Variants in SMC2 observed in about 807,000 individuals in gnomAD.
The protein encoded by SMC2 is structural maintenance of chromosomes protein 2.
Under a neutral mutation model 142.6 loss-of-function variants are expected in SMC2, and 41 were observed. The observed-to-expected ratio is 0.29, with a 90% CI of 0.22 to 0.37. The LOEUF is 0.37. SMC2 is among the 10% of genes least tolerant of loss of function. The probability of loss-of-function intolerance (pLI) is 1.00; values close to 1 mark genes in which losing one functional copy is unlikely to be tolerated. For missense variants in SMC2, 1,265 were observed against 1,373.7 expected (o/e 0.92, Z 1.25); for synonymous variants, 463 against 457.5 (o/e 1.01, Z -0.15).
intron 14 of SMC2, among the ~76,000 whole-genome samples, chr9:104,117,034 T>C (rs1025802504): frequency 6.6e-6 from 1 of 152,154 alleles, no homozygotes; most frequent in African/African-American, 2.4e-5. Flanking sequence ...TAAGTGGATG[T>C]TGTTGTATCC....
At chr9:104,102,346 G>A (rs1831245812) in intron 8 of SMC2, 78 bp from the exon 9 acceptor site, 1 of 1,347,062 alleles carries the variant, frequency 7.4e-7, no homozygotes, top group Admixed American at 2.3e-5. Context: ...AAAAGTGTTT[G>A]ATACAGAACT....
chr9:104,125,172 A>G (rs1037426228), intron 18 of SMC2, 67 bp downstream of exon 18: 1 of 1,151,786 alleles, frequency 8.7e-7, no homozygotes, highest in Non-Finnish European at 1.2e-6. Flanking sequence ...GTGGTAGAGC[A>G]TCATTGGTTG....
intron 9 of SMC2, 99 bp from the exon 10 acceptor site, chr9:104,111,482 C>T: frequency 1.5e-6 from 1 of 668,626 alleles, no homozygotes; most frequent in Non-Finnish European, 2.6e-6. Context: ...ATGCTCACTC[C>T]AAATTGCTAT....
rs1379012264 is a variant in SMC2, at chr9:104,140,551, G to A, written c.*1236G>A. 6.6e-6 allele frequency: 1 copy of A among 152,456 alleles called. No homozygotes were observed. The highest frequency in any genetic ancestry group is 1.9e-4 in the East Asian group (1 of 5,202). The allele number at this position is 152,456 out of a possible 1,614,324, so 9.4% of individuals were successfully genotyped here. A position where few individuals can be genotyped will look rare whatever the true frequency, so the allele number is the denominator to read the frequency against. ...GGCCGTACTTCCTGGCCCTGGGCTTGACATTTCCCACCCTTCATTCTCCAT... is the reference window on the plus strand; with the variant it reads ...GGCCGTACTTCCTGGCCCTGGGCTTAACATTTCCCACCCTTCATTCTCCAT... On this transcript the variant is annotated 3_prime_UTR_variant, in exon 25 of 25. Coordinates refer to ENST00000374793, the MANE Select transcript of SMC2 (RefSeq NM_006444.3).
At chr9:104,100,810 AATT>A (rs1831034313) in intron 7 of SMC2, among the ~76,000 whole-genome samples, 2 of 152,232 alleles carry the variant, frequency 1.3e-5, no homozygotes, top group African/African-American at 4.8e-5. Context: ...CTATCACTAT[AATT>A]ATTGCTATCA....
In SMC2 at chr9:104,134,512, A is replaced by T; in HGVS notation, c.3206A>T (p.Glu1069Val). ...GGTCAAACTGTTTTGGATGGTCTGG[A>T]GTTCAAGGTTGCCTTGGGAAATACC... ...PEGQTVLDGL[E>V]FKVALGNTWK... Residue 1069 changes from glutamate (E) to valine (V), a missense_variant, in exon 23 of 25, where the codon GAG becomes GTG. Glu to Val is a moderately radical substitution (Grantham distance 121). Coordinates refer to ENST00000374793, the MANE Select transcript of SMC2 (RefSeq NM_006444.3). 6.2e-6 allele frequency: 10 copies of T among 1,612,600 alleles called. No individual in the cohort carries two copies. The highest frequency in any genetic ancestry group is 8.5e-6 in the Non-Finnish European group (10 of 1,179,024).
rs1053577245 is a variant in SMC2, at chr9:104,094,315, A to C, written c.-224A>C. On this transcript the variant is annotated 5_prime_UTR_variant, in exon 1 of 25. Coordinates refer to ENST00000374793, the MANE Select transcript of SMC2 (RefSeq NM_006444.3). ...TTTGCTCGCGCCGAAATTCAAAGGA[A>C]TAAATAGTTCCGGCGCGGGTGTTGA... The C allele has an allele frequency of 2.5e-6, 1 of 398,746 alleles. No homozygotes were observed. The highest frequency in any genetic ancestry group is 4.4e-6 in the Non-Finnish European group (1 of 226,152). The allele number at this position is 398,746 out of a possible 1,614,324, so 24.7% of individuals were successfully genotyped here. A position where few individuals can be genotyped will look rare whatever the true frequency, so the allele number is the denominator to read the frequency against.
chr9:104,111,181 G>A (rs1832402401), intron 9 of SMC2, among the ~76,000 whole-genome samples: 1 of 152,082 alleles, frequency 6.6e-6, no homozygotes, highest in Non-Finnish European at 1.5e-5. Flanking sequence ...TATGGCTCTT[G>A]ACAGTTTATA....
Position 104,124,752 on chromosome 9 carries a change from G to T in SMC2, c.2258-160G>T, listed in dbSNP as rs114014163. On this transcript the variant is annotated intron_variant, in intron 17 of 24. Coordinates refer to ENST00000374793, the MANE Select transcript of SMC2 (RefSeq NM_006444.3). ...ATAATTCAAGTATGGCTTTTGGGTA[G>T]GATCTGTGTTTCATTATACCATTTC... Among the ~76,000 whole-genome samples the T allele has an allele frequency of 4.6e-3, 702 of 152,128 alleles. 7 individuals carry two copies. The highest frequency in any genetic ancestry group is 0.016 in the African/African-American group (656 of 41,508).
At chr9:104,113,604 A>G in intron 11 of SMC2, 129 bp downstream of exon 11, 1 of 696,994 alleles carries the variant, frequency 1.4e-6, no homozygotes, top group Non-Finnish European at 2.2e-6. Flanking sequence ...TAGTATAAGA[A>G]GTGTTGTAAA....
intron 13 of SMC2, among the ~76,000 whole-genome samples, chr9:104,115,496 A>C (rs112349846): frequency 0.057 from 8,607 of 151,930 alleles, 656 homozygotes; most frequent in African/African-American, 0.18. Context: ...AATTGCTTGA[A>C]CTTGGGAAGT....
intron 21 of SMC2, among the ~76,000 whole-genome samples, chr9:104,130,643 A>G (rs1427376553): frequency 1.3e-5 from 2 of 152,264 alleles, no homozygotes; most frequent in South Asian, 2.1e-4. Flanking sequence ...ATTATATTAG[A>G]TACCAAACAG....
At chr9:104,116,099 A>G in intron 13 of SMC2, 101 bp from the exon 14 acceptor site, 1 of 1,002,104 alleles carries the variant, frequency 1.0e-6, no homozygotes, top group Non-Finnish European at 1.4e-6. Context: ...ATTGGGATAA[A>G]TGGCACTAAA....
intron 17 of SMC2, 119 bp from the exon 18 acceptor site, chr9:104,124,793 A>ATAGT: frequency 1.5e-6 from 1 of 666,364 alleles, no homozygotes; most frequent in Non-Finnish European, 2.5e-6. Context: ...TATCATTGGG[A>ATAGT]TAGTTAATTT....
intron 7 of SMC2, among the ~76,000 whole-genome samples, chr9:104,100,677 A>C (rs544532917): frequency 1.3e-5 from 2 of 152,174 alleles, no homozygotes; most frequent in Admixed American, 1.3e-4. Context: ...GAATTTTAAT[A>C]CTTTATTTAA....
intron 11 of SMC2, 127 bp from the exon 12 acceptor site, chr9:104,113,836 CT>C: frequency 1.7e-6 from 1 of 602,988 alleles, no homozygotes; most frequent in Non-Finnish European, 2.9e-6. Context: ...GTTCAGCATG[CT>C]TTTTTAATAC....
In SMC2 at chr9:104,124,905, G is replaced by T. The variant is rs746335806; in HGVS notation, c.2258-7G>T. ...ACTTAGCCACATTTGCTTACTTTGT[G>T]ATGCAGAGGAAAGTGAGGAGACTTT... On this transcript the variant is annotated splice_polypyrimidine_tract_variant and splice_region_variant and intron_variant, in intron 17 of 24. Transcript: ENST00000374793. The T allele has an allele frequency of 4.5e-6, 7 of 1,572,654 alleles. No homozygotes were observed. The South Asian group carries it at 8.5e-5, about 19-fold the overall frequency.
intron 14 of SMC2, 126 bp downstream of exon 14, chr9:104,116,445 G>A (rs2131417864): frequency 1.2e-6 from 1 of 829,018 alleles, no homozygotes; most frequent in Non-Finnish European, 1.8e-6. Flanking sequence ...AAAAAATTGG[G>A]TTGGCTTGTG....
At chr9:104,127,875 A>G (rs899605537) in intron 20 of SMC2, among the ~76,000 whole-genome samples, 3 of 152,206 alleles carry the variant, frequency 2.0e-5, no homozygotes, top group African/African-American at 4.8e-5. Flanking sequence ...GGTAATCTAA[A>G]AAAAGGACTG....
Sources: allele counts gnomAD v4.1 joint callset (sites outside exome capture counted in the v4.1 genomes callset), GRCh38; gene constraint gnomAD v4.1.1; transcripts MANE v1.5; gene names NCBI Gene and HGNC (gene_info 2026-07-23, HGNC 2026-07-21).